Variants in FCHSD2 observed in about 807,000 individuals in gnomAD.
The protein encoded by FCHSD2 is FCH and double SH3 domains 2.
In FCHSD2, 38 loss-of-function variants were observed where a neutral mutation model predicts 108.1. The ratio of observed to expected loss-of-function variants is 0.35; its 90% CI spans 0.27 to 0.46. The LOEUF is 0.46. Among genes scored for constraint, FCHSD2 ranks in the 20% least tolerant of loss-of-function variants. The pLI is 1.00. For missense variants in FCHSD2, 751 were observed against 897.8 expected (o/e 0.84, Z 2.09); for synonymous variants, 279 against 314.7 (o/e 0.89, Z 1.20).
At chr11:73,072,276 C>T (rs1454005870) in intron 3 of FCHSD2, among the ~76,000 whole-genome samples, 1 of 151,678 alleles carries the variant, frequency 6.6e-6, no homozygotes, top group African/African-American at 2.4e-5. Context: ...ATGATTTCCT[C>T]TCAACACCTT....
At chr11:72,965,869 G>A (rs1261846968) in intron 8 of FCHSD2, among the ~76,000 whole-genome samples, 1 of 152,216 alleles carries the variant, frequency 6.6e-6, no homozygotes, top group Non-Finnish European at 1.5e-5. Context: ...CATGCTGTGT[G>A]TAATACAGTC....
At chr11:72,997,502 A>C (rs1470968310) in intron 5 of FCHSD2, among the ~76,000 whole-genome samples, 1 of 152,152 alleles carries the variant, frequency 6.6e-6, no homozygotes, top group Non-Finnish European at 1.5e-5. Context: ...ATAACCAAAA[A>C]TCAAGAAAAA....
Position 72,841,579 on chromosome 11 carries a change from G to A in FCHSD2, c.1931C>T (p.Ser644Phe). The change falls in exon 18 of 20, where the codon TCT (serine) becomes TTT (phenylalanine). Residue 644 changes from serine to phenylalanine, a missense_variant. Physicochemically the swap from Ser to Phe is radical, Grantham distance 155 (BLOSUM62 -2). Transcript: ENST00000409418. Reference protein sequence around the residue: ...DTPWMREIQISPSPKPHASLP... With the variant: ...DTPWMREIQIFPSPKPHASLP... ...GGAGGCGTGTGGCTTGGGGGAAGGAGAGATCTGCAGCAAAGGGAAGCGAGG... is the reference window on the plus strand; with the variant it reads ...GGAGGCGTGTGGCTTGGGGGAAGGAAAGATCTGCAGCAAAGGGAAGCGAGG... 3.1e-6 allele frequency: 5 copies of A among 1,600,420 alleles called. No individual in the cohort carries two copies. Among genetic ancestry groups the A allele is most frequent in the South Asian group, 2.2e-5 (2 of 88,990 alleles).
intron 3 of FCHSD2, among the ~76,000 whole-genome samples, chr11:73,020,230 C>T (rs1250225873): frequency 6.6e-6 from 1 of 152,164 alleles, no homozygotes; most frequent in Non-Finnish European, 1.5e-5. Context: ...CAAAGAGAGC[C>T]ACTGTTGAGT....
At chr11:72,933,234 C>T (rs78838741) in intron 8 of FCHSD2, among the ~76,000 whole-genome samples, 1 of 152,102 alleles carries the variant, frequency 6.6e-6, no homozygotes, top group African/African-American at 2.4e-5. Context: ...ATTAGGTCAT[C>T]CCTGGGATAG....
chr11:73,048,109 A>G (rs1858810631), intron 3 of FCHSD2, among the ~76,000 whole-genome samples: 2 of 152,204 alleles, frequency 1.3e-5, no homozygotes, highest in South Asian at 4.1e-4. Flanking sequence ...AACAGAACAG[A>G]AAGTAATAGA....
intron 2 of FCHSD2, among the ~76,000 whole-genome samples, chr11:73,131,410 T>C (rs1188266512): frequency 6.6e-6 from 1 of 150,772 alleles, no homozygotes; most frequent in Non-Finnish European, 1.5e-5. Flanking sequence ...GCACCTGTAG[T>C]CCCACCTACT....
chr11:72,848,822 G>A (rs764008382), intron 14 of FCHSD2, among the ~76,000 whole-genome samples: 1 of 152,110 alleles, frequency 6.6e-6, no homozygotes, highest in Non-Finnish European at 1.5e-5. Context: ...TATAATGGGA[G>A]GTGGTATCAG....
intron 12 of FCHSD2, among the ~76,000 whole-genome samples, chr11:72,873,651 C>A (rs763736581): frequency 6.6e-6 from 1 of 152,022 alleles, no homozygotes; most frequent in Non-Finnish European, 1.5e-5. Flanking sequence ...AGAAACTAAT[C>A]CAAGGCCACA....
At chr11:73,111,108 G>A (rs1860473699) in intron 2 of FCHSD2, among the ~76,000 whole-genome samples, 2 of 152,092 alleles carry the variant, frequency 1.3e-5, no homozygotes, top group African/African-American at 4.8e-5. Flanking sequence ...GTCTATGCTT[G>A]AGAATGATCC....
intron 8 of FCHSD2, among the ~76,000 whole-genome samples, chr11:72,958,952 C>T (rs767753944): frequency 2.7e-5 from 4 of 150,364 alleles, no homozygotes; most frequent in Admixed American, 6.7e-5. Context: ...TTTCTTGCTT[C>T]GGCACTCCTA....
chr11:73,131,438 A>G (rs905356686), intron 2 of FCHSD2, among the ~76,000 whole-genome samples: 4 of 152,078 alleles, frequency 2.6e-5, no homozygotes, highest in Non-Finnish European at 4.4e-5. Context: ...CTGAGGCAGG[A>G]GAATGGCGTG....
chr11:73,094,919 C>T (rs1407706886), intron 2 of FCHSD2, among the ~76,000 whole-genome samples: 1 of 152,112 alleles, frequency 6.6e-6, no homozygotes, highest in Non-Finnish European at 1.5e-5. Flanking sequence ...GTAAGTCTGG[C>T]AGAAAGCAAA....
intron 3 of FCHSD2, among the ~76,000 whole-genome samples, chr11:73,058,390 C>T (rs184306165): frequency 6.6e-6 from 1 of 152,168 alleles, no homozygotes; most frequent in African/African-American, 2.4e-5. Flanking sequence ...CATGGTATGG[C>T]TAGATGTCAT....
chr11:73,073,034 C>G (rs1166215314), intron 3 of FCHSD2, among the ~76,000 whole-genome samples: 2 of 152,184 alleles, frequency 1.3e-5, no homozygotes, highest in Admixed American at 1.3e-4. Context: ...TTCTCTCCAG[C>G]CACAGTAACC....
intron 8 of FCHSD2, among the ~76,000 whole-genome samples, chr11:72,971,443 C>A (rs11235621): frequency 6.6e-6 from 1 of 152,076 alleles, no homozygotes; most frequent in South Asian, 2.1e-4. Flanking sequence ...AGATTATCTG[C>A]GATTACCTAA....
chr11:72,956,487 C>T (rs1856713115), intron 8 of FCHSD2, among the ~76,000 whole-genome samples: 1 of 152,152 alleles, frequency 6.6e-6, no homozygotes, highest in Non-Finnish European at 1.5e-5. Flanking sequence ...GACTTATAAT[C>T]AACAGGTTAT....
Position 73,141,961 on chromosome 11 carries a change from C to A in FCHSD2, c.-84G>T. ...AGGAGGGCCGGAGAGGAGGGGACGGCCCAGCGAGCGCGCGCGTGTGTGAAA... is the reference window on the plus strand; with the variant it reads ...AGGAGGGCCGGAGAGGAGGGGACGGACCAGCGAGCGCGCGCGTGTGTGAAA... On this transcript the variant is annotated 5_prime_UTR_variant, in exon 1 of 20. Transcript: ENST00000409418. 1 of 1,379,538 alleles carries A rather than the reference C, an allele frequency of 7.2e-7. No individual in the cohort carries two copies. Among genetic ancestry groups the A allele is most frequent in the Non-Finnish European group, 9.9e-7 (1 of 1,015,204 alleles). The allele number at this position is 1,379,538 out of a possible 1,614,324, so 85.5% of individuals were successfully genotyped here.
chr11:73,112,212 G>A (rs1028500874), intron 2 of FCHSD2, among the ~76,000 whole-genome samples: 3 of 152,094 alleles, frequency 2.0e-5, no homozygotes, highest in African/African-American at 7.2e-5. Context: ...TGTTTGTCTG[G>A]AAAAGCCTTT....
Sources: gnomAD v4.1 joint callset for allele counts (sites outside exome capture counted in the v4.1 genomes callset) on GRCh38, gnomAD v4.1.1 for gene constraint, MANE v1.5 for transcripts, NCBI Gene and HGNC (gene_info 2026-07-23, HGNC 2026-07-21) for gene names.